VPS35L: variants seen among roughly 807,000 people sequenced by gnomAD.
The protein encoded by VPS35L is VPS35 endosomal protein-sorting factor-like.
A neutral mutation model predicts 133.0 loss-of-function variants in VPS35L; 83 were observed. That is an observed-to-expected ratio of 0.62 (90% CI 0.52 to 0.75). VPS35L has a LOEUF of 0.75. Ranked by LOEUF, VPS35L falls within the 30% of genes least tolerant of loss-of-function variation. VPS35L has a pLI of 0.00. For missense variants in VPS35L, 1,083 were observed against 1,206.8 expected (o/e 0.90, Z 1.52); for synonymous variants, 423 against 449.9 (o/e 0.94, Z 0.76).
chr16:19,658,645 G>T (rs1350033002), intron 26 of VPS35L, among the ~76,000 whole-genome samples: 1 of 152,012 alleles, frequency 6.6e-6, no homozygotes, highest in African/African-American at 2.4e-5. Context: ...AATGTGCTTG[G>T]GAATTTTAGA....
At chr16:19,634,686 G>T (rs1235555900) in intron 19 of VPS35L, among the ~76,000 whole-genome samples, 1 of 152,186 alleles carries the variant, frequency 6.6e-6, no homozygotes, top group Non-Finnish European at 1.5e-5. Context: ...GACAAGAATT[G>T]TCTTCCTTTA....
chr16:19,598,013 A>C (rs1972270879), intron 8 of VPS35L, among the ~76,000 whole-genome samples: 2 of 152,148 alleles, frequency 1.3e-5, no homozygotes, highest in African/African-American at 4.8e-5. Context: ...ACTGGCATGC[A>C]CAGTGGGAAG....
At chr16:19,582,905 C>T (rs1001333141) in intron 7 of VPS35L, among the ~76,000 whole-genome samples, 12 of 152,182 alleles carry the variant, frequency 7.9e-5, no homozygotes, top group African/African-American at 2.9e-4. Context: ...CAGTGGCTCA[C>T]ATCTGTAATC....
rs576767852 is a variant in VPS35L, at chr16:19,699,776, A to G, written c.2793+128A>G. On this transcript the variant is annotated intron_variant, in intron 30 of 30. Transcript: ENST00000417362. This position sits in a 1 kb window ranked among gnomAD's most constrained non-coding sequence, Gnocchi z 4.2. ...CCCCTTTTAGAAAAGCACTTGGTCCATTTCTACTGGATCACTTCCTAGCAG... is the reference window on the plus strand; with the variant it reads ...CCCCTTTTAGAAAAGCACTTGGTCCGTTTCTACTGGATCACTTCCTAGCAG... 8.6e-5 allele frequency: 107 copies of G among 1,245,696 alleles called. 1 individual carries two copies. The highest frequency in any genetic ancestry group is 1.1e-4 in the Non-Finnish European group (101 of 896,784). 77.2% of individuals were successfully genotyped at this position (1,245,696 alleles called of 1,614,324 possible).
chr16:19,641,895 T>A (rs940123481), intron 21 of VPS35L, among the ~76,000 whole-genome samples: 5 of 152,320 alleles, frequency 3.3e-5, no homozygotes, highest in Middle Eastern at 3.4e-3. Context: ...ATCATGTGTA[T>A]AGAAGAGCAA....
At chr16:19,576,564 C>T (rs1971545861) in intron 5 of VPS35L, among the ~76,000 whole-genome samples, 1 of 152,046 alleles carries the variant, frequency 6.6e-6, no homozygotes, top group African/African-American at 2.4e-5. Context: ...TTTGATGCTC[C>T]AAGGGGATTC....
At chr16:19,604,617 T>A (rs1410653761) in intron 9 of VPS35L, among the ~76,000 whole-genome samples, 1 of 152,226 alleles carries the variant, frequency 6.6e-6, no homozygotes, top group Admixed American at 6.5e-5. Context: ...AAGTTGTTGG[T>A]GATCTGAGGA....
At chr16:19,676,631 C>G (rs1597424547) in intron 27 of VPS35L, among the ~76,000 whole-genome samples, 1 of 152,228 alleles carries the variant, frequency 6.6e-6, no homozygotes, top group Non-Finnish European at 1.5e-5. Context: ...CACTAACGAT[C>G]TCGGATCCAG....
chr16:19,579,376 G>A (rs1971637249), intron 6 of VPS35L: 3 of 437,846 alleles, frequency 6.9e-6, no homozygotes, highest in Admixed American at 7.5e-5. Context: ...AGGCTGGGTC[G>A]CCTAGCAACA....
intron 5 of VPS35L, chr16:19,578,686 G>A (rs1357190725): frequency 1.9e-5 from 6 of 322,190 alleles, no homozygotes; most frequent in Non-Finnish European, 1.8e-5. Context: ...CTGTGAGTAA[G>A]AGCCTAAGAG....
intron 26 of VPS35L, among the ~76,000 whole-genome samples, chr16:19,667,423 A>ATACGTAAC (rs1359496519): frequency 1.3e-5 from 2 of 152,140 alleles, no homozygotes; most frequent in Admixed American, 1.3e-4. Flanking sequence ...ATAGACCAAA[A>ATACGTAAC]TACGTAACAG....
Position 19,700,785 on chromosome 16 carries a change from C to T in VPS35L, c.*309C>T, listed in dbSNP as rs1288043996. 2 of 302,542 alleles carry T rather than the reference C, an allele frequency of 6.6e-6. No homozygotes were observed. The highest frequency in any genetic ancestry group is 6.1e-6 in the Non-Finnish European group (1 of 163,262). 18.7% of individuals were successfully genotyped at this position (302,542 alleles called of 1,614,324 possible). On this transcript the variant is annotated 3_prime_UTR_variant, in exon 31 of 31. Transcript: ENST00000417362. ...AAGAGAGAAACAAGAATGCAAGTAA[C>T]ATCTTTCTTCTCTGGAAGGTGTTTG...
chr16:19,629,911 G>T, intron 18 of VPS35L, 91 bp downstream of exon 18: 1 of 1,193,852 alleles, frequency 8.4e-7, no homozygotes, highest in South Asian at 1.3e-5. Context: ...TGAGGCATTT[G>T]ACAACGGTAC....
In VPS35L at chr16:19,647,770, C is replaced by T; in HGVS notation, c.1930-14C>T. ...TACCACTGTCCCTTTCAGCGTCTTT[C>T]TCCTTGATTCTAGGTTTCCTTTGGC... is the stretch of plus-strand genomic sequence containing the variant. On this transcript the variant is annotated splice_polypyrimidine_tract_variant and intron_variant, in intron 23 of 30. Transcript: ENST00000417362. 6.2e-7 allele frequency: 1 copy of T among 1,606,426 alleles called. No homozygotes were observed. The highest frequency in any genetic ancestry group is 8.5e-7 in the Non-Finnish European group (1 of 1,173,136).
chr16:19,677,591 C>T (rs548794495), intron 27 of VPS35L, among the ~76,000 whole-genome samples: 9 of 152,248 alleles, frequency 5.9e-5, no homozygotes, highest in Non-Finnish European at 1.2e-4. Context: ...AGGTGGGAAG[C>T]GGCACTGTGC....
intron 12 of VPS35L, 57 bp from the exon 13 acceptor site, chr16:19,616,057 A>G: frequency 7.3e-7 from 1 of 1,367,210 alleles, no homozygotes; most frequent in South Asian, 1.4e-5. Context: ...ATTTCCAAAA[A>G]TAAAATCATA....
chr16:19,669,897 C>T (rs185945288), intron 27 of VPS35L, among the ~76,000 whole-genome samples: 3 of 152,226 alleles, frequency 2.0e-5, no homozygotes, highest in East Asian at 3.9e-4. Flanking sequence ...TCTTGAACTC[C>T]TGACCTCAGG....
At chr16:19,556,317 A>G (rs894224847) in intron 1 of VPS35L, among the ~76,000 whole-genome samples, 3 of 149,688 alleles carry the variant, frequency 2.0e-5, no homozygotes, top group East Asian at 2.0e-4. Context: ...GGCACCAAGA[A>G]GGGAGTGATT....
chr16:19,682,524 T>A (rs1449307321), intron 28 of VPS35L, 134 bp downstream of exon 28: 1 of 1,001,782 alleles, frequency 1.0e-6, no homozygotes, highest in African/African-American at 1.6e-5. Flanking sequence ...AGGGTCTCAC[T>A]GTATTTACCT....
Sources: gnomAD v4.1 joint callset for allele counts (sites outside exome capture counted in the v4.1 genomes callset) on GRCh38, gnomAD v4.1.1 for gene constraint, Gnocchi (gnomAD v3.1) non-coding constraint, MANE v1.5 for transcripts, NCBI Gene and HGNC (gene_info 2026-07-23, HGNC 2026-07-21) for gene names.